MTUS1: variants seen among roughly 807,000 people sequenced by gnomAD.
MTUS1 encodes the protein microtubule-associated tumor suppressor 1.
MTUS1 carries 109 observed loss-of-function variants against 120.8 expected under a neutral mutation model. That is an observed-to-expected ratio of 0.90 (90% CI 0.77 to 1.06). The LOEUF (loss-of-function observed/expected upper bound fraction) is 1.06, where lower values mean the gene tolerates loss of function less well. Ranked by LOEUF, MTUS1 falls within the 50% of genes least tolerant of loss-of-function variation. MTUS1 has a pLI of 0.00. For synonymous variants in MTUS1, 737 were observed against 550.5 expected, an observed-to-expected ratio of 1.34 and a Z score of -4.74; for missense variants, 2,210 against 1,486.3, an observed-to-expected ratio of 1.49 and a Z score of -8.01.
Position 17,755,592 on chromosome 8 carries a change from T to A in MTUS1, c.216A>T (p.Leu72Phe). ...CAAATACTTCAACACCCTGAAGGCTTAAAGAAATATTTTCACCAGTAACTA... is the reference window on the plus strand; with the variant it reads ...CAAATACTTCAACACCCTGAAGGCTAAAAGAAATATTTTCACCAGTAACTA... Reference protein sequence around the residue: ...PAVVTGENISLSLQGVEVFGH... With the variant: ...PAVVTGENISFSLQGVEVFGH... The change falls in exon 2 of 15, where the codon TTA becomes TTT. Residue 72 changes from leucine (L) to phenylalanine (F), a missense_variant. By Grantham distance (22) the Leu-to-Phe change is conservative. Coordinates refer to ENST00000693296, the MANE Select transcript of MTUS1 (RefSeq NM_001363059.2). The A allele has an allele frequency of 6.2e-7, 1 of 1,614,114 alleles. No individual in the cohort carries two copies. Among genetic ancestry groups the A allele is most frequent in the African/African-American group, 1.3e-5 (1 of 75,040 alleles).
intron 2 of MTUS1, among the ~76,000 whole-genome samples, chr8:17,753,508 A>G: frequency 6.6e-6 from 1 of 152,120 alleles, no homozygotes; most frequent in East Asian, 1.9e-4. Context: ...AAAATACTGA[A>G]ATTGAGGATT....
At chr8:17,705,804 A>C (rs1314033565) in intron 6 of MTUS1, 1 of 152,258 alleles carries the variant, frequency 6.6e-6, no homozygotes, top group Admixed American at 6.5e-5. Context: ...TCTACCTTCC[A>C]AGGCAGACAC....
chr8:17,759,259 CTTTTT>C (rs201527661), intron 1 of MTUS1, among the ~76,000 whole-genome samples: 2 of 148,980 alleles, frequency 1.3e-5, no homozygotes, highest in African/African-American at 4.9e-5. Context: ...TACCAGTTGT[CTTTTT>C]TTATTTTTCT....
intron 2 of MTUS1, among the ~76,000 whole-genome samples, chr8:17,751,438 G>C (rs1287772360): frequency 1.3e-5 from 2 of 152,214 alleles, no homozygotes; most frequent in Non-Finnish European, 2.9e-5. Flanking sequence ...GCTCTCTACA[G>C]TAAGTGCAAA....
chr8:17,697,434 A>G (rs553660332), intron 6 of MTUS1: 17 of 1,598,680 alleles, frequency 1.1e-5, no homozygotes, highest in Non-Finnish European at 1.5e-5. Context: ...GGACTGTCAC[A>G]TACTGTCTTT....
At chr8:17,679,359 G>C (rs966360359) in intron 7 of MTUS1, among the ~76,000 whole-genome samples, 1 of 91,262 alleles carries the variant, frequency 1.1e-5, no homozygotes, top group Non-Finnish European at 2.0e-5. Context: ...GCGCGCGCGT[G>C]TGTGTGTGTG....
intron 1 of MTUS1, among the ~76,000 whole-genome samples, chr8:17,759,290 G>A (rs1050411516): frequency 3.3e-4 from 50 of 150,244 alleles, no homozygotes; most frequent in African/African-American, 1.2e-3. Flanking sequence ...TTGAGACAAG[G>A]TCTCACTTTG....
chr8:17,699,341 C>T (rs1226295865), intron 6 of MTUS1, among the ~76,000 whole-genome samples: 4 of 152,032 alleles, frequency 2.6e-5, no homozygotes, highest in East Asian at 3.9e-4. Context: ...CCTCAGCCTC[C>T]GTAGATGGGA....
chr8:17,719,754 A>G (rs1647909327), intron 4 of MTUS1, among the ~76,000 whole-genome samples: 1 of 152,174 alleles, frequency 6.6e-6, no homozygotes, highest in Admixed American at 6.6e-5. Flanking sequence ...TTGGCAGGTG[A>G]GACAATATTC....
chr8:17,674,020 G>C (rs751521447), intron 8 of MTUS1, among the ~76,000 whole-genome samples: 4 of 152,178 alleles, frequency 2.6e-5, no homozygotes, highest in Non-Finnish European at 5.9e-5. Flanking sequence ...ATAAGCCCTA[G>C]AATGGTCAGC....
At chr8:17,739,329 A>G (rs2047147186) in intron 3 of MTUS1, among the ~76,000 whole-genome samples, 1 of 151,798 alleles carries the variant, frequency 6.6e-6, no homozygotes, top group East Asian at 2.0e-4. Context: ...CCCTATCTCT[A>G]TTAAAAATGC....
At chr8:17,776,456 C>A (rs1033180003) in intron 1 of MTUS1, among the ~76,000 whole-genome samples, 2 of 151,782 alleles carry the variant, frequency 1.3e-5, no homozygotes, top group African/African-American at 4.8e-5. Context: ...CCAAGGTGGG[C>A]GGATCACCTG....
intron 6 of MTUS1, among the ~76,000 whole-genome samples, chr8:17,705,165 G>A (rs376433103): frequency 6.6e-6 from 1 of 152,084 alleles, no homozygotes; most frequent in East Asian, 1.9e-4. Context: ...TGTATTTTTG[G>A]TAGAGATGGG....
intron 1 of MTUS1, among the ~76,000 whole-genome samples, chr8:17,788,786 T>C (rs1355708731): frequency 2.6e-5 from 4 of 152,252 alleles, no homozygotes; most frequent in African/African-American, 7.2e-5. Flanking sequence ...ATATTGTAGA[T>C]GATTTTCAAA....
rs368870509 is a variant in MTUS1, at chr8:17,675,267, C to T, written c.2839-15G>A. ...GCTTCCTCCCGCTGCGGAAAACACACATCAAGTTACTCATGCTTTCAAGAG... is the reference window on the plus strand; with the variant it reads ...GCTTCCTCCCGCTGCGGAAAACACATATCAAGTTACTCATGCTTTCAAGAG... On this transcript the variant is annotated splice_polypyrimidine_tract_variant and intron_variant, in intron 7 of 14. Transcript: ENST00000693296. 25 of 1,613,312 alleles carry T rather than the reference C, an allele frequency of 1.5e-5. 1 individual carries two copies. The highest frequency in any genetic ancestry group is 1.5e-4 in the South Asian group (14 of 90,972).
intron 1 of MTUS1, among the ~76,000 whole-genome samples, chr8:17,787,633 T>C (rs1220829302): frequency 6.6e-6 from 1 of 152,226 alleles, no homozygotes; most frequent in Non-Finnish European, 1.5e-5. Flanking sequence ...ATTCTTCGCC[T>C]CATTTTCCTC....
At chr8:17,697,414 C>CAA (rs751027591) in intron 6 of MTUS1, 8 of 1,611,540 alleles carry the variant, frequency 5.0e-6, no homozygotes, top group Non-Finnish European at 6.8e-6. Context: ...ACAGAAGAGG[C>CAA]AATTTCCATG....
chr8:17,740,310 C>T (rs1365621692), intron 3 of MTUS1, among the ~76,000 whole-genome samples: 1 of 152,164 alleles, frequency 6.6e-6, no homozygotes, highest in Non-Finnish European at 1.5e-5. Flanking sequence ...ATGGCTGTTT[C>T]AATACTGGGT....
intron 2 of MTUS1, among the ~76,000 whole-genome samples, chr8:17,750,181 T>C (rs1350566679): frequency 6.6e-6 from 1 of 152,188 alleles, no homozygotes; most frequent in African/African-American, 2.4e-5. Context: ...ATTAGGTGAA[T>C]TCAACAATAA....
Sources: gnomAD v4.1 joint callset for allele counts (sites outside exome capture counted in the v4.1 genomes callset) on GRCh38, gnomAD v4.1.1 for gene constraint, MANE v1.5 for transcripts, NCBI Gene and HGNC (gene_info 2026-07-23, HGNC 2026-07-21) for gene names.